Variants in RBMS3 observed in about 807,000 individuals in gnomAD.
RBMS3 encodes the protein RNA-binding motif, single-stranded-interacting protein 3.
Under a neutral mutation model 66.8 loss-of-function variants are expected in RBMS3, and 27 were observed. The ratio of observed to expected loss-of-function variants is 0.40; its 90% CI spans 0.30 to 0.56. The LOEUF (loss-of-function observed/expected upper bound fraction) is 0.56. Among genes scored for constraint, RBMS3 ranks in the 20% least tolerant of loss-of-function variants. RBMS3 has a pLI of 0.40. For synonymous variants in RBMS3, 188 were observed against 183.0 expected (o/e 1.03, Z -0.22); for missense variants, 513 against 549.5 (o/e 0.93, Z 0.66).
intron 10 of RBMS3, among the ~76,000 whole-genome samples, chr3:29,903,744 T>C (rs762435096): frequency 1.3e-5 from 2 of 151,998 alleles, no homozygotes; most frequent in African/African-American, 4.8e-5. Context: ...AAAGGTCAGC[T>C]TTCATTTTGA....
intron 9 of RBMS3, among the ~76,000 whole-genome samples, chr3:29,898,740 T>C (rs930454499): frequency 6.9e-6 from 1 of 145,068 alleles, no homozygotes; most frequent in South Asian, 2.1e-4. Flanking sequence ...AATGTGCGTG[T>C]GTGTGTGTGT....
intron 1 of RBMS3, among the ~76,000 whole-genome samples, chr3:29,349,680 T>C (rs11706519): frequency 0.11 from 16,590 of 152,260 alleles, 1,025 homozygotes; most frequent in East Asian, 0.19. Flanking sequence ...TCTGACATTT[T>C]GCAAATGGTA....
intron 11 of RBMS3, 77 bp from the exon 12 acceptor site, chr3:29,944,130 C>A (rs1695141467): frequency 7.5e-7 from 1 of 1,341,138 alleles, no homozygotes; most frequent in Non-Finnish European, 1.1e-6. Flanking sequence ...GCGGACTCTT[C>A]CACGTGTTAG....
intron 4 of RBMS3, among the ~76,000 whole-genome samples, chr3:29,703,997 T>A (rs2052755419): frequency 6.6e-6 from 1 of 152,166 alleles, no homozygotes; most frequent in African/African-American, 2.4e-5. Flanking sequence ...GAGGTCTAGG[T>A]TGTGTGTTCC....
intron 6 of RBMS3, among the ~76,000 whole-genome samples, chr3:29,859,848 A>G (rs190677362): frequency 6.6e-6 from 1 of 152,286 alleles, no homozygotes; most frequent in East Asian, 1.9e-4. Flanking sequence ...CTCTATATCT[A>G]GAAATACATA....
At chr3:29,396,289 T>A (rs1395740529) in intron 1 of RBMS3, among the ~76,000 whole-genome samples, 2 of 152,132 alleles carry the variant, frequency 1.3e-5, no homozygotes, top group Non-Finnish European at 2.9e-5. Flanking sequence ...CCTATATTTT[T>A]AAAAAATGTC....
chr3:29,413,239 G>A (rs2040343236), intron 1 of RBMS3, among the ~76,000 whole-genome samples: 1 of 152,080 alleles, frequency 6.6e-6, no homozygotes, highest in Admixed American at 6.6e-5. Flanking sequence ...ATGTGGTGGT[G>A]TGCACCTGTA....
intron 14 of RBMS3, among the ~76,000 whole-genome samples, chr3:29,996,888 G>A (rs891417711): frequency 6.6e-6 from 1 of 151,958 alleles, no homozygotes; most frequent in African/African-American, 2.4e-5. Flanking sequence ...ACATTCAAAA[G>A]CTAGCAGAAG....
At chr3:29,354,723 A>G (rs766623383) in intron 1 of RBMS3, among the ~76,000 whole-genome samples, 1 of 152,120 alleles carries the variant, frequency 6.6e-6, no homozygotes, top group Non-Finnish European at 1.5e-5. Context: ...CATTGCCAAC[A>G]TCAGGACACC....
intron 4 of RBMS3, among the ~76,000 whole-genome samples, chr3:29,655,748 A>G (rs944076933): frequency 6.6e-6 from 1 of 152,168 alleles, no homozygotes; most frequent in African/African-American, 2.4e-5. Flanking sequence ...CTATAAAACA[A>G]CCTCAGGCAG....
chr3:29,592,571 T>C (rs2149102422), intron 4 of RBMS3, among the ~76,000 whole-genome samples: 1 of 152,286 alleles, frequency 6.6e-6, no homozygotes. Flanking sequence ...GACTGTAAAC[T>C]AGTTCAACCA....
At position 29,677,191 on chromosome 3, in the gene RBMS3, C is replaced by T. The variant is rs116417821; in HGVS notation, c.400-62529C>T. Among the ~76,000 whole-genome samples the T allele has an allele frequency of 2.8e-3, 427 of 152,236 alleles. 4 individuals carry two copies. The highest frequency in any genetic ancestry group is 9.8e-3 in the African/African-American group (409 of 41,534). On this transcript the variant is annotated intron_variant, in intron 4 of 14. Transcript: ENST00000383767. ...AACCACCCTCATAATCCAATCACCT[C>T]CCACCAAGCCCCACCTCCAACAATG... is the stretch of plus-strand genomic sequence containing the variant.
At chr3:29,559,486 G>A (rs182696078) in intron 3 of RBMS3, among the ~76,000 whole-genome samples, 11 of 114,320 alleles carry the variant, frequency 9.6e-5, no homozygotes, top group Admixed American at 7.9e-4. Flanking sequence ...ACCCCAGCCT[G>A]GGTGACAGAG....
chr3:29,748,712 A>G (rs2149362310), intron 5 of RBMS3, among the ~76,000 whole-genome samples: 1 of 152,302 alleles, frequency 6.6e-6, no homozygotes, highest in African/African-American at 2.4e-5. Flanking sequence ...TACCTCACAT[A>G]GCTCAGCCTG....
chr3:29,977,084 A>G (rs540721964), intron 12 of RBMS3, among the ~76,000 whole-genome samples: 2 of 152,142 alleles, frequency 1.3e-5, no homozygotes, highest in Non-Finnish European at 2.9e-5. Flanking sequence ...ACTTCCCTCT[A>G]TTGTTCTCAT....
intron 3 of RBMS3, among the ~76,000 whole-genome samples, chr3:29,510,658 C>G (rs1369899334): frequency 6.6e-6 from 1 of 152,014 alleles, no homozygotes; most frequent in Middle Eastern, 3.2e-3. Flanking sequence ...TAAGCATTTT[C>G]TTGGAGCATG....
Position 29,711,260 on chromosome 3 carries a change from T to C in RBMS3, c.400-28460T>C, listed in dbSNP as rs74780518. 7.3e-3 allele frequency among the ~76,000 whole-genome samples: 1,110 copies of C among 152,266 alleles called. 12 individuals carry two copies. The highest frequency in any genetic ancestry group is 0.027 in the Middle Eastern group (8 of 294). ...ACTGTACCTTAGGTAACTGAAACTGTGCAAAGTGAAATCACAGATAAGAGG... is the reference window on the plus strand; with the variant it reads ...ACTGTACCTTAGGTAACTGAAACTGCGCAAAGTGAAATCACAGATAAGAGG... On this transcript the variant is annotated intron_variant, in intron 4 of 14. Transcript: ENST00000383767.
chr3:29,678,922 G>A lies in RBMS3; in HGVS notation c.400-60798G>A, dbSNP rs1289765366. Among the ~76,000 whole-genome samples the A allele has an allele frequency of 4.6e-5, 7 of 151,820 alleles. No individual in the cohort carries two copies. In the East Asian group the frequency reaches 7.8e-4, roughly 17 times the overall value. ...GACTGAGATGATATAATCACCTTTC[G>A]GCACACTTTAAAAGCTGAACAAATA... On this transcript the variant is annotated intron_variant, in intron 4 of 14. Transcript: ENST00000383767.
chr3:29,702,587 A>G (rs1028448135), intron 4 of RBMS3, among the ~76,000 whole-genome samples: 4 of 152,166 alleles, frequency 2.6e-5, no homozygotes, highest in East Asian at 1.9e-4. Flanking sequence ...GTAACTCACC[A>G]CAAAGGTCTG....
Sources: gnomAD v4.1 joint callset for allele counts (sites outside exome capture counted in the v4.1 genomes callset) on GRCh38, gnomAD v4.1.1 for gene constraint, MANE v1.5 for transcripts, NCBI Gene and HGNC (gene_info 2026-07-23, HGNC 2026-07-21) for gene names.